CLSTN2: variants seen among roughly 807,000 people sequenced by gnomAD.
CLSTN2 encodes calsyntenin 2, also known as calsyntenin-2.
CLSTN2 carries 48 observed loss-of-function variants against 101.2 expected under a neutral mutation model. The observed-to-expected ratio is 0.47, with a 90% CI of 0.38 to 0.60. The LOEUF is 0.60. CLSTN2 is among the 20% of genes least tolerant of loss of function. CLSTN2 has a pLI of 0.00. For missense variants in CLSTN2, 1,160 were observed against 1,238.2 expected (o/e 0.94, Z 0.95); for synonymous variants, 481 against 463.6 (o/e 1.04, Z -0.48).
At chr3:140,097,282 C>T (rs16849848) in intron 1 of CLSTN2, among the ~76,000 whole-genome samples, 2,433 of 152,238 alleles carry the variant, frequency 0.016, 68 homozygotes, top group African/African-American at 0.055. Flanking sequence ...GGACTAGGGA[C>T]TGCCTGTCTC....
chr3:140,145,382 A>G (rs538063556), intron 1 of CLSTN2, among the ~76,000 whole-genome samples: 1 of 152,372 alleles, frequency 6.6e-6, no homozygotes, highest in African/African-American at 2.4e-5. Flanking sequence ...TCTGGGGGAA[A>G]TGAATGACAC....
At chr3:139,972,812 C>A (rs1379351522) in intron 1 of CLSTN2, among the ~76,000 whole-genome samples, 3 of 152,156 alleles carry the variant, frequency 2.0e-5, no homozygotes, top group Admixed American at 6.5e-5. Context: ...ACCACTGTTT[C>A]CTCCTGCCTG....
intron 1 of CLSTN2, among the ~76,000 whole-genome samples, chr3:140,095,130 T>C (rs1327208301): frequency 1.3e-5 from 2 of 152,194 alleles, no homozygotes; most frequent in Non-Finnish European, 2.9e-5. Flanking sequence ...CTCTACCCCT[T>C]TCTGATTAGT....
chr3:140,087,997 GGAGGTTGGAGCCACT>G (rs2008707657), intron 1 of CLSTN2, among the ~76,000 whole-genome samples: 1 of 152,176 alleles, frequency 6.6e-6, no homozygotes, highest in Non-Finnish European at 1.5e-5. Context: ...TCGATTTTAA[GGAGGTTGGAGCCACT>G]GATCTCTGGG....
chr3:139,957,804 A>G (rs1013283575), intron 1 of CLSTN2, among the ~76,000 whole-genome samples: 3 of 152,166 alleles, frequency 2.0e-5, no homozygotes, highest in East Asian at 1.9e-4. Context: ...GTTTGCCACA[A>G]GCTGCTCTTG....
chr3:139,946,914 G>A (rs1935224261), intron 1 of CLSTN2, among the ~76,000 whole-genome samples: 1 of 152,208 alleles, frequency 6.6e-6, no homozygotes, highest in Non-Finnish European at 1.5e-5. Flanking sequence ...ATAAGAACTA[G>A]AAGACTCAAG....
In CLSTN2 at chr3:140,195,425, A is replaced by G. The variant is rs1392307829; in HGVS notation, c.232+19352A>G. On this transcript the variant is annotated intron_variant, in intron 2 of 16. Coordinates refer to ENST00000458420, the MANE Select transcript of CLSTN2 (RefSeq NM_022131.3). ...CTAGGTGGTCTGCCTTTTTCTCCCCAGCATTCAGAATCTTCTTGTGTTTGT... is the reference window on the plus strand; with the variant it reads ...CTAGGTGGTCTGCCTTTTTCTCCCCGGCATTCAGAATCTTCTTGTGTTTGT... 1.3e-5 allele frequency among the ~76,000 whole-genome samples: 2 copies of G among 152,198 alleles called. 1 individual carries two copies. Among genetic ancestry groups the G allele is most frequent in the South Asian group, 4.2e-4 (2 of 4,812 alleles).
At chr3:140,372,876 G>A (rs1009198908) in intron 2 of CLSTN2, among the ~76,000 whole-genome samples, 5 of 152,138 alleles carry the variant, frequency 3.3e-5, no homozygotes, top group African/African-American at 1.2e-4. Context: ...GGCAGGAACT[G>A]GATGACATAG....
intron 5 of CLSTN2, among the ~76,000 whole-genome samples, chr3:140,431,775 C>A (rs1178949451): frequency 6.6e-6 from 1 of 152,196 alleles, no homozygotes; most frequent in African/African-American, 2.4e-5. Flanking sequence ...AAGGGCTGAA[C>A]CCAACCCTTA....
At chr3:140,136,862 A>C (rs73868744) in intron 1 of CLSTN2, among the ~76,000 whole-genome samples, 3 of 152,052 alleles carry the variant, frequency 2.0e-5, no homozygotes, top group Non-Finnish European at 4.4e-5. Flanking sequence ...GCTGAGTTTA[A>C]CCTCAGGTAT....
In CLSTN2 at chr3:140,245,426, C is replaced by G. The variant is rs145841582; in HGVS notation, c.232+69353C>G. 7.1e-3 allele frequency among the ~76,000 whole-genome samples: 1,076 copies of G among 152,180 alleles called. 4 individuals are homozygous for G. Among genetic ancestry groups the G allele is most frequent in the Non-Finnish European group, 0.012 (812 of 68,000 alleles). ...GAAATACAAGGACTTGAAAGAGAGA[C>G]AGATAAAGGCACTTCCCAACTGTGG... is the stretch of plus-strand genomic sequence containing the variant. On this transcript the variant is annotated intron_variant, in intron 2 of 16. Transcript: ENST00000458420.
intron 9 of CLSTN2, 117 bp from the exon 10 acceptor site, chr3:140,546,398 G>T (rs893376197): frequency 4.0e-6 from 4 of 1,011,516 alleles, no homozygotes; most frequent in Admixed American, 2.5e-5. Context: ...AGAAGGAAAA[G>T]CTCAGGTTCA....
At chr3:140,283,290 T>G (rs1267557380) in intron 2 of CLSTN2, among the ~76,000 whole-genome samples, 2 of 152,142 alleles carry the variant, frequency 1.3e-5, no homozygotes, top group African/African-American at 2.4e-5. Context: ...AGATGAAATT[T>G]GGTATTTATT....
intron 8 of CLSTN2, among the ~76,000 whole-genome samples, chr3:140,492,656 T>C (rs1559885614): frequency 6.6e-6 from 1 of 152,232 alleles, no homozygotes; most frequent in Non-Finnish European, 1.5e-5. Context: ...TGAATGAACA[T>C]CAAGATGGGT....
chr3:140,014,645 T>G (rs2007159327), intron 1 of CLSTN2, among the ~76,000 whole-genome samples: 1 of 151,884 alleles, frequency 6.6e-6, no homozygotes, highest in Admixed American at 6.6e-5. Flanking sequence ...AGAGCAAGTA[T>G]AAAGGTCCAC....
chr3:140,561,231 C>G (rs1935907024), intron 12 of CLSTN2, among the ~76,000 whole-genome samples: 1 of 152,138 alleles, frequency 6.6e-6, no homozygotes, highest in Non-Finnish European at 1.5e-5. Flanking sequence ...CACTTGAAGA[C>G]AACTAGCCTA....
At chr3:140,044,844 A>G (rs967288159) in intron 1 of CLSTN2, among the ~76,000 whole-genome samples, 1 of 152,044 alleles carries the variant, frequency 6.6e-6, no homozygotes, top group Non-Finnish European at 1.5e-5. Flanking sequence ...ATTGATTTGC[A>G]TATGTTGAAC....
At chr3:140,367,841 T>C (rs11719018) in intron 2 of CLSTN2, among the ~76,000 whole-genome samples, 63,079 of 152,002 alleles carry the variant, frequency 0.41, 13,921 homozygotes, top group Non-Finnish European at 0.5. Context: ...CATAGGGATG[T>C]TTGATTAAAT....
intron 2 of CLSTN2, among the ~76,000 whole-genome samples, chr3:140,178,531 G>A (rs376274147): frequency 1.3e-5 from 2 of 152,098 alleles, no homozygotes; most frequent in African/African-American, 4.8e-5. Context: ...ATGATTTGCA[G>A]CTGCCTTAAA....
Sources: allele counts gnomAD v4.1 joint callset (sites outside exome capture counted in the v4.1 genomes callset), GRCh38; gene constraint gnomAD v4.1.1; transcripts MANE v1.5; gene names NCBI Gene and HGNC (gene_info 2026-07-23, HGNC 2026-07-21).